CC2D2A: variants seen among roughly 807,000 people sequenced by gnomAD.
The protein encoded by CC2D2A is coiled-coil and C2 domain containing 2A.
Under a neutral mutation model 212.9 loss-of-function variants are expected in CC2D2A, and 155 were observed. The ratio of observed to expected loss-of-function variants is 0.73; its 90% confidence interval spans 0.64 to 0.83. The LOEUF (loss-of-function observed/expected upper bound fraction) is 0.83, where lower values mean the gene tolerates loss of function less well. CC2D2A is among the 40% of genes least tolerant of loss of function. The pLI, the probability that CC2D2A is intolerant of heterozygous loss-of-function variation, is 0.00. For synonymous variants in CC2D2A, 667 were observed against 686.5 expected, an observed-to-expected ratio of 0.97 and a Z score of 0.44; for missense variants, 1,856 against 1,956.2, an observed-to-expected ratio of 0.95 and a Z score of 0.97.
At chr4:15,521,635 C>T (rs1361253852) in intron 11 of CC2D2A, among the ~76,000 whole-genome samples, 1 of 152,214 alleles carries the variant, frequency 6.6e-6, no homozygotes, top group Non-Finnish European at 1.5e-5. Flanking sequence ...TTTCTTTCTC[C>T]TCTCTGGCTA....
At chr4:15,569,212 T>C (rs939912839) in intron 26 of CC2D2A, 81 bp from the exon 27 acceptor site, 5 of 765,264 alleles carry the variant, frequency 6.5e-6, no homozygotes, top group African/African-American at 5.3e-5. Flanking sequence ...TATTTGGGTA[T>C]TTTTCAAATG....
intron 10 of CC2D2A, among the ~76,000 whole-genome samples, chr4:15,516,323 T>C (rs569293979): frequency 6.6e-6 from 1 of 152,338 alleles, no homozygotes; most frequent in African/African-American, 2.4e-5. Flanking sequence ...CTTTTGAGTT[T>C]TTATTCTGTG....
intron 4 of CC2D2A, among the ~76,000 whole-genome samples, chr4:15,498,181 T>C (rs1166369695): frequency 6.6e-6 from 1 of 152,108 alleles, no homozygotes; most frequent in African/African-American, 2.4e-5. Flanking sequence ...GGTTAATGGG[T>C]TTGCTAGGGA....
rs1363362329 is a variant in CC2D2A at position 15,511,938 on chromosome 4, A to T, written c.717+515A>T. The stretch of plus-strand genomic sequence containing the variant: ...TTGAATAGACATTTCTTCAAAGAAG[A>T]CATACAAATAGACAATAAGCCCATA... On this transcript the variant is annotated intron_variant, in intron 8 of 36. Transcript: ENST00000424120. Among the ~76,000 whole-genome samples the T allele has an allele frequency of 2.6e-5, 4 of 152,370 alleles. No individual in the cohort carries two copies. The East Asian group carries it at 7.7e-4, about 29-fold the overall frequency.
chr4:15,517,795 G>A (rs1716972096), intron 11 of CC2D2A, among the ~76,000 whole-genome samples: 1 of 152,152 alleles, frequency 6.6e-6, no homozygotes, highest in Admixed American at 6.5e-5. Flanking sequence ...GAGGTTTAAT[G>A]GACTTACAGT....
intron 33 of CC2D2A, among the ~76,000 whole-genome samples, chr4:15,591,915 C>A (rs184061324): frequency 6.6e-6 from 1 of 152,180 alleles, no homozygotes; most frequent in African/African-American, 2.4e-5. Flanking sequence ...CTTTTCTCCT[C>A]TTCTCTGAGA....
intron 6 of CC2D2A, 112 bp from the exon 7 acceptor site, chr4:15,510,027 C>T: frequency 1.3e-6 from 1 of 760,872 alleles, no homozygotes. Flanking sequence ...TGATAAGATG[C>T]AGCAGCAGTC....
rs775632403 is a variant in CC2D2A, at chr4:15,515,937, G to T, written c.950G>T (p.Gly317Val). ...RFLEDEGLYT[G>V]VRPEVARTNQ... ...CTGGAAGATGAAGGCCTTTACACCG[G>T]GGTAAGACCAGAGGTGGCACGCACC... is the stretch of plus-strand genomic sequence containing the variant. Residue 317 changes from glycine to valine, a missense_variant, in exon 10 of 37, where the codon GGG becomes GTG. Gly to Val is a moderately radical substitution (Grantham distance 109). Transcript: ENST00000424120. The T allele has an allele frequency of 1.2e-5, 19 of 1,568,774 alleles. No homozygotes were observed. The African/African-American group carries it at 2.6e-4, about 21-fold the overall frequency.
chr4:15,497,137 G>A (rs1056948490), intron 4 of CC2D2A, among the ~76,000 whole-genome samples: 4 of 152,294 alleles, frequency 2.6e-5, no homozygotes, highest in Admixed American at 1.3e-4. Flanking sequence ...AAAGCTGGAG[G>A]CATCAGACTA....
chr4:15,551,404 G>A (rs762193379), intron 18 of CC2D2A, among the ~76,000 whole-genome samples: 12 of 152,106 alleles, frequency 7.9e-5, no homozygotes, highest in Non-Finnish European at 1.8e-4. Context: ...CTATAATTCC[G>A]ATTGGATATA....
chr4:15,577,041 T>C (rs1410175568), intron 29 of CC2D2A, among the ~76,000 whole-genome samples: 1 of 152,242 alleles, frequency 6.6e-6, no homozygotes, highest in African/African-American at 2.4e-5. Context: ...GTCACCTAGC[T>C]GGAGTGCAGT....
chr4:15,532,654 G>T (rs544847722), intron 13 of CC2D2A, among the ~76,000 whole-genome samples: 20 of 152,260 alleles, frequency 1.3e-4, no homozygotes, highest in African/African-American at 4.3e-4. Context: ...TTTGTAAAAA[G>T]AACTTAAAGT....
chr4:15,593,152 C>T (rs1721185421), intron 33 of CC2D2A, among the ~76,000 whole-genome samples: 2 of 152,262 alleles, frequency 1.3e-5, no homozygotes, highest in South Asian at 2.1e-4. Flanking sequence ...TCAGAAAGTA[C>T]GAGGGGAACT....
chr4:15,547,503 T>C (rs1396491822), intron 17 of CC2D2A, among the ~76,000 whole-genome samples: 1 of 152,140 alleles, frequency 6.6e-6, no homozygotes, highest in Admixed American at 6.5e-5. Flanking sequence ...CATTCTACTC[T>C]TTTCTTACAT....
At chr4:15,557,951 A>G (rs1311493917) in intron 21 of CC2D2A, among the ~76,000 whole-genome samples, 2 of 152,168 alleles carry the variant, frequency 1.3e-5, no homozygotes, top group Admixed American at 6.6e-5. Flanking sequence ...ATAGGATCTG[A>G]ATAGCCATGG....
At chr4:15,485,916 A>C (rs759228818) in intron 4 of CC2D2A, among the ~76,000 whole-genome samples, 15 of 152,142 alleles carry the variant, frequency 9.9e-5, no homozygotes, top group Non-Finnish European at 1.6e-4. Flanking sequence ...ACATCTACTG[A>C]ACTGATCATG....
chr4:15,555,738 AAAAC>A (rs549129149), intron 20 of CC2D2A, among the ~76,000 whole-genome samples: 9 of 152,190 alleles, frequency 5.9e-5, no homozygotes, highest in Admixed American at 2.0e-4. Context: ...TCCCATCTCA[AAAAC>A]AAACAAACAA....
At chr4:15,474,863 G>T (rs1714073217) in intron 1 of CC2D2A, among the ~76,000 whole-genome samples, 1 of 152,206 alleles carries the variant, frequency 6.6e-6, no homozygotes, top group South Asian at 2.1e-4. Flanking sequence ...AGCAGTTGCA[G>T]AGTATGCTAG....
intron 19 of CC2D2A, among the ~76,000 whole-genome samples, chr4:15,553,793 C>T (rs1427432988): frequency 6.6e-6 from 1 of 152,184 alleles, no homozygotes; most frequent in Non-Finnish European, 1.5e-5. Context: ...TAGGCCAGCC[C>T]CTCCCTGTGT....
Sources: allele counts gnomAD v4.1 joint callset (sites outside exome capture counted in the v4.1 genomes callset), GRCh38; gene constraint gnomAD v4.1.1; transcripts MANE v1.5; gene names NCBI Gene and HGNC (gene_info 2026-07-23, HGNC 2026-07-21).